Variants in PPARGC1A observed in about 807,000 individuals in gnomAD.
PPARGC1A encodes the protein peroxisome proliferator-activated receptor gamma coactivator 1-alpha.
PPARGC1A carries 25 observed loss-of-function variants against 88.7 expected under a neutral mutation model. The ratio of observed to expected loss-of-function variants is 0.28; its 90% confidence interval spans 0.21 to 0.39. PPARGC1A has a LOEUF of 0.39. Among genes scored for constraint, PPARGC1A ranks in the 10% least tolerant of loss-of-function variants. PPARGC1A has a pLI of 1.00. For missense variants in PPARGC1A, 880 were observed against 968.7 expected (o/e 0.91, Z 1.22); for synonymous variants, 363 against 355.6 (o/e 1.02, Z -0.24).
At chr4:24,237,977 G>A in the PPARGC1A span, among the ~76,000 whole-genome samples, 28 of 152,318 alleles carry the variant, frequency 1.8e-4, no homozygotes, top group African/African-American at 6.7e-4. Flanking sequence ...GATGTCATGA[G>A]ATAGATAAGT....
intron 2 of PPARGC1A, among the ~76,000 whole-genome samples, chr4:23,849,726 T>C (rs937683877): frequency 1.3e-5 from 2 of 152,136 alleles, no homozygotes; most frequent in African/African-American, 4.8e-5. Flanking sequence ...ATAATACATA[T>C]TTAAGCTCTT....
At chr4:24,134,838 C>T in the PPARGC1A span, among the ~76,000 whole-genome samples, 13 of 152,298 alleles carry the variant, frequency 8.5e-5, no homozygotes, top group Non-Finnish European at 1.8e-4. Flanking sequence ...GCCATCCTTA[C>T]AAGTCTCTCT....
intron 12 of PPARGC1A, among the ~76,000 whole-genome samples, chr4:23,798,854 T>C (rs532776203): frequency 9.8e-5 from 15 of 152,306 alleles, no homozygotes; most frequent in African/African-American, 3.6e-4. Context: ...CAAGTCATTT[T>C]AATCTCTCAC....
At chr4:24,472,393 C>G in the PPARGC1A span, among the ~76,000 whole-genome samples, 1 of 151,954 alleles carries the variant, frequency 6.6e-6, no homozygotes, top group Non-Finnish European at 1.5e-5. The surrounding 1 kb of genome is among the most constrained non-coding windows in gnomAD (Gnocchi z 4.5). Context: ...AAGGGGTTTC[C>G]CAGGAGGAGC....
chr4:24,068,978 C>G, the PPARGC1A span, among the ~76,000 whole-genome samples: 1 of 152,198 alleles, frequency 6.6e-6, no homozygotes, highest in Non-Finnish European at 1.5e-5. Context: ...GATTTGCATT[C>G]AATCTCAGCC....
chr4:24,329,185 G>A, the PPARGC1A span, among the ~76,000 whole-genome samples: 1 of 151,974 alleles, frequency 6.6e-6, no homozygotes, highest in Non-Finnish European at 1.5e-5. Flanking sequence ...GGGATAAATG[G>A]CAACCGGTGA....
At chr4:24,155,665 G>GT in the PPARGC1A span, among the ~76,000 whole-genome samples, 3 of 151,710 alleles carry the variant, frequency 2.0e-5, no homozygotes, top group African/African-American at 7.3e-5. Flanking sequence ...CATGAAGCTT[G>GT]TGGTTTAGCT....
the PPARGC1A span, among the ~76,000 whole-genome samples, chr4:24,367,675 T>C: frequency 1.3e-5 from 2 of 152,226 alleles, no homozygotes; most frequent in African/African-American, 4.8e-5. Flanking sequence ...AGTTAATTTC[T>C]ATAAACATTC....
At chr4:24,303,890 A>C in the PPARGC1A span, among the ~76,000 whole-genome samples, 1 of 152,226 alleles carries the variant, frequency 6.6e-6, no homozygotes, top group African/African-American at 2.4e-5. Context: ...AAATGCTATC[A>C]TTTTAAAAGT....
At chr4:24,177,745 A>G in the PPARGC1A span, among the ~76,000 whole-genome samples, 1 of 152,040 alleles carries the variant, frequency 6.6e-6, no homozygotes, top group African/African-American at 2.4e-5. Flanking sequence ...TCATTCAATA[A>G]GAGCTGGCAG....
At chr4:24,204,441 ATG>A in the PPARGC1A span, among the ~76,000 whole-genome samples, 1 of 151,106 alleles carries the variant, frequency 6.6e-6, no homozygotes, top group Non-Finnish European at 1.5e-5. Context: ...TAAAAAATAA[ATG>A]TAAGACTGAA....
chr4:23,873,048 G>T (rs1577601011), intron 2 of PPARGC1A, among the ~76,000 whole-genome samples: 2 of 151,624 alleles, frequency 1.3e-5, no homozygotes, highest in Admixed American at 1.3e-4. Context: ...AAAAAAATTA[G>T]CCAGTCATGG....
chr4:23,874,565 A>T (rs1180465267), intron 2 of PPARGC1A, among the ~76,000 whole-genome samples: 1 of 152,174 alleles, frequency 6.6e-6, no homozygotes. Context: ...CCCTAAAAAA[A>T]AAAAAAGGAT....
chr4:24,000,565 G>A, the PPARGC1A span, among the ~76,000 whole-genome samples: 2 of 152,166 alleles, frequency 1.3e-5, no homozygotes, highest in Non-Finnish European at 2.9e-5. Context: ...GATACAGACA[G>A]AGCATCTGCC....
the PPARGC1A span, among the ~76,000 whole-genome samples, chr4:24,051,323 G>C: frequency 2.6e-4 from 39 of 151,916 alleles, 1 homozygote; most frequent in African/African-American, 9.2e-4. Flanking sequence ...GGATTTCAGA[G>C]GAAATATCTT....
chr4:23,835,466 T>TGTG (rs1725840976), intron 2 of PPARGC1A, among the ~76,000 whole-genome samples: 1 of 135,296 alleles, frequency 7.4e-6, no homozygotes, highest in African/African-American at 2.7e-5. Context: ...GCATGGCGGC[T>TGTG]TGTGTGTGTG....
chr4:24,070,354 G>T, the PPARGC1A span, among the ~76,000 whole-genome samples: 1 of 152,142 alleles, frequency 6.6e-6, no homozygotes, highest in Non-Finnish European at 1.5e-5. Context: ...CTTTAAAAGT[G>T]CCTACACCTT....
At chr4:24,451,819 G>T in the PPARGC1A span, among the ~76,000 whole-genome samples, 1 of 152,084 alleles carries the variant, frequency 6.6e-6, no homozygotes, top group Non-Finnish European at 1.5e-5. Flanking sequence ...CTCGCAATCT[G>T]CCCGCCTCAG....
At chr4:23,947,380 TATATATATATATATATAAAA>T in the PPARGC1A span, among the ~76,000 whole-genome samples, 23,559 of 51,222 alleles carry the variant, frequency 0.46, 3,134 homozygotes, top group Admixed American at 0.55. Flanking sequence ...TATATATATA[TATATATATATATATATAAAA>T]AAAACGGTGA....
Sources: allele counts gnomAD v4.1 joint callset (sites outside exome capture counted in the v4.1 genomes callset), GRCh38; gene constraint gnomAD v4.1.1; non-coding constraint Gnocchi (gnomAD v3.1); transcripts MANE v1.5; gene names NCBI Gene and HGNC (gene_info 2026-07-23, HGNC 2026-07-21).